The following TTC27 variants were observed in gnomAD, a reference collection of about 807,000 sequenced individuals.
The protein encoded by TTC27 is tetratricopeptide repeat protein 27.
TTC27 carries 79 observed loss-of-function variants against 115.9 expected under a neutral mutation model. The ratio of observed to expected loss-of-function variants is 0.68; its 90% CI spans 0.57 to 0.82. The LOEUF is 0.82. Ranked by LOEUF, TTC27 falls within the 40% of genes least tolerant of loss-of-function variation. TTC27 has a pLI of 0.00. For missense variants in TTC27, 1,054 were observed against 993.1 expected, an observed-to-expected ratio of 1.06 and a Z score of -0.82; for synonymous variants, 401 against 356.0, an observed-to-expected ratio of 1.13 and a Z score of -1.42.
In TTC27 at chr2:32,666,765, C is replaced by A; in HGVS notation, c.936C>A (p.Thr312=). Residue 312 remains threonine (T), a synonymous_variant, in exon 7 of 20, where the codon ACC becomes ACA. Coordinates refer to ENST00000317907, the MANE Select transcript of TTC27 (RefSeq NM_017735.5). ...TPAPTPQEHL[T]KNLELNDDTI... is the part of the protein sequence containing the mutation. The stretch of plus-strand genomic sequence containing the variant: ...CACCCACTCCTCAGGAACATTTAAC[C>A]AAGGCAAGTAGGACATTAAGTTATT... The A allele has an allele frequency of 6.2e-7, 1 of 1,611,764 alleles. No individual in the cohort carries two copies. The highest frequency in any genetic ancestry group is 8.5e-7 in the Non-Finnish European group (1 of 1,178,842).
At chr2:32,661,733 T>C (rs1665556241) in intron 5 of TTC27, among the ~76,000 whole-genome samples, 2 of 152,206 alleles carry the variant, frequency 1.3e-5, no homozygotes, top group African/African-American at 4.8e-5. Flanking sequence ...TTTGACTTCC[T>C]CTCTTCCTAT....
chr2:32,663,669 TATGTATGTATG>T (rs746955455), intron 5 of TTC27, among the ~76,000 whole-genome samples: 97 of 151,664 alleles, frequency 6.4e-4, no homozygotes, highest in South Asian at 5.0e-3. Context: ...TGTATGTATG[TATGTATGTATG>T]TATTTATTTA....
chr2:32,629,134 T>A (rs1347357077), intron 1 of TTC27, among the ~76,000 whole-genome samples: 1 of 150,822 alleles, frequency 6.6e-6, no homozygotes, highest in Non-Finnish European at 1.5e-5. Context: ...AGTTGTTTTT[T>A]TGGGGGGATG....
rs1481199571 is a variant in TTC27 at position 32,666,780 on chromosome 2, A to C, written c.939+12A>C. The C allele has an allele frequency of 3.7e-6, 6 of 1,610,040 alleles. No individual in the cohort carries two copies. The highest frequency in any genetic ancestry group is 5.1e-6 in the Non-Finnish European group (6 of 1,178,250). Reference sequence around the variant, plus strand: ...AACATTTAACCAAGGCAAGTAGGACATTAAGTTATTAAATTCAATTAACAC... The same window carrying C: ...AACATTTAACCAAGGCAAGTAGGACCTTAAGTTATTAAATTCAATTAACAC... On this transcript the variant is annotated intron_variant, in intron 7 of 19. Coordinates refer to ENST00000317907, the MANE Select transcript of TTC27 (RefSeq NM_017735.5).
chr2:32,760,305 C>T (rs1321072933), intron 13 of TTC27, among the ~76,000 whole-genome samples: 1 of 152,138 alleles, frequency 6.6e-6, no homozygotes, highest in African/African-American at 2.4e-5. Context: ...TTAGAGTATA[C>T]TAAGGAATTG....
intron 12 of TTC27, among the ~76,000 whole-genome samples, 160 bp from the exon 13 acceptor site, chr2:32,758,132 G>A (rs568818075): frequency 2.0e-5 from 3 of 151,974 alleles, no homozygotes; most frequent in Admixed American, 1.3e-4. Flanking sequence ...ATTTTGTATC[G>A]GTCCTCTTAC....
intron 10 of TTC27, among the ~76,000 whole-genome samples, chr2:32,730,621 A>ATTTTTTTTTTTTTTTTTTT (rs10712292): frequency 2.2e-5 from 3 of 137,832 alleles, no homozygotes. Context: ...AGACTTTCTT[A>ATTTTTTTTTTTTTTTTTTT]TTTTTTTTTT....
intron 10 of TTC27, among the ~76,000 whole-genome samples, chr2:32,727,281 C>G (rs1163118198): frequency 6.6e-6 from 1 of 152,100 alleles, no homozygotes; most frequent in African/African-American, 2.4e-5. Flanking sequence ...TGAAATGTGT[C>G]CACATTGGGA....
At position 32,628,216 on chromosome 2, in the gene TTC27, C is replaced by G. The variant is rs1169921784; in HGVS notation, c.-77C>G. On this transcript the variant is annotated 5_prime_UTR_variant, in exon 1 of 20. Transcript: ENST00000317907. ...CTAGATTTCAGCGCCTTTGGACTCT[C>G]CTGTTTTCACTTTCTTTTGTTGACT... 5.0e-6 allele frequency: 7 copies of G among 1,403,252 alleles called. No individual in the cohort carries two copies. The highest frequency in any genetic ancestry group is 6.9e-6 in the Non-Finnish European group (7 of 1,009,662). The allele number at this position is 1,403,252 out of a possible 1,614,324, so 86.9% of individuals were successfully genotyped here.
Position 32,792,222 on chromosome 2 carries a change from G to A in TTC27, c.1998+5073G>A, listed in dbSNP as rs896391603. Reference sequence around the variant, plus strand: ...ATGGTGTTGATGTGCAGTGGGGCAAGTTGCCAATGAAATTGAAGTTCTGGG... The same window carrying A: ...ATGGTGTTGATGTGCAGTGGGGCAAATTGCCAATGAAATTGAAGTTCTGGG... On this transcript the variant is annotated intron_variant, in intron 16 of 19. Coordinates refer to ENST00000317907, the MANE Select transcript of TTC27 (RefSeq NM_017735.5). Among the ~76,000 whole-genome samples, 7 of 152,300 alleles carry A rather than the reference G, an allele frequency of 4.6e-5. No individual in the cohort carries two copies. In the South Asian group the frequency reaches 1.5e-3, roughly 32 times the overall value.
intron 14 of TTC27, 127 bp from the exon 15 acceptor site, chr2:32,782,499 A>C: frequency 1.7e-6 from 1 of 605,118 alleles, no homozygotes; most frequent in Admixed American, 3.3e-5. Flanking sequence ...CTTTAAACAC[A>C]CTCTTATTGA....
At chr2:32,654,031 G>C (rs1055448262) in intron 5 of TTC27, among the ~76,000 whole-genome samples, 1 of 152,116 alleles carries the variant, frequency 6.6e-6, no homozygotes, top group Non-Finnish European at 1.5e-5. Flanking sequence ...ATATTGATCT[G>C]TCTTTTCCAT....
At chr2:32,732,885 A>G (rs1307348391) in intron 10 of TTC27, among the ~76,000 whole-genome samples, 1 of 152,238 alleles carries the variant, frequency 6.6e-6, no homozygotes, top group Non-Finnish European at 1.5e-5. Context: ...AAATTTGAGT[A>G]CTGCATTGTA....
At chr2:32,763,722 T>C (rs1171646623) in intron 13 of TTC27, among the ~76,000 whole-genome samples, 2 of 152,210 alleles carry the variant, frequency 1.3e-5, no homozygotes, top group African/African-American at 4.8e-5. Flanking sequence ...GTGCATTCAT[T>C]AGAGAACCAA....
At chr2:32,746,245 A>G (rs1385488122) in intron 12 of TTC27, among the ~76,000 whole-genome samples, 1 of 152,070 alleles carries the variant, frequency 6.6e-6, no homozygotes, top group Non-Finnish European at 1.5e-5. Flanking sequence ...ACATTTAGAT[A>G]TAAAGTTTCT....
At chr2:32,723,647 CACTT>C (rs1312276469) in intron 10 of TTC27, among the ~76,000 whole-genome samples, 22 of 151,410 alleles carry the variant, frequency 1.5e-4, no homozygotes, top group Admixed American at 4.6e-4. Flanking sequence ...ATTTGGCTGA[CACTT>C]ACTCATGAAA....
chr2:32,780,434 C>T (rs1670135778), intron 14 of TTC27, among the ~76,000 whole-genome samples: 1 of 151,584 alleles, frequency 6.6e-6, no homozygotes, highest in Non-Finnish European at 1.5e-5. Context: ...GAATTATTTT[C>T]TTAATTTTAT....
chr2:32,732,243 T>C (rs146249972), intron 10 of TTC27, among the ~76,000 whole-genome samples: 157 of 152,326 alleles, frequency 1.0e-3, no homozygotes, highest in African/African-American at 3.6e-3. Context: ...TGCAATCTTT[T>C]TGCTATTAAG....
chr2:32,728,273 T>A (rs112634583), intron 10 of TTC27, among the ~76,000 whole-genome samples: 27,558 of 151,960 alleles, frequency 0.18, 2,971 homozygotes, highest in South Asian at 0.38. Context: ...GATCTCCTGA[T>A]CTTGTGATCC....
Sources: gnomAD v4.1 joint callset for allele counts (sites outside exome capture counted in the v4.1 genomes callset) on GRCh38, gnomAD v4.1.1 for gene constraint, MANE v1.5 for transcripts, NCBI Gene and HGNC (gene_info 2026-07-23, HGNC 2026-07-21) for gene names.